Variants in NAA60 observed in about 807,000 individuals in gnomAD.
NAA60 encodes N-alpha-acetyltransferase 60.
A neutral mutation model predicts 26.1 loss-of-function variants in NAA60; 8 were observed. The observed-to-expected ratio is 0.31, with a 90% confidence interval of 0.18 to 0.55. NAA60 has a LOEUF of 0.55. Ranked by LOEUF, NAA60 falls within the 20% of genes least tolerant of loss-of-function variation. The probability of loss-of-function intolerance (pLI) is 0.93; values close to 1 mark genes in which losing one functional copy is unlikely to be tolerated. For synonymous variants in NAA60, 131 were observed against 122.5 expected (o/e 1.07, Z -0.46); for missense variants, 290 against 311.3 (o/e 0.93, Z 0.51).
At chr16:3,480,936 G>T (rs1271811489) in intron 4 of NAA60, among the ~76,000 whole-genome samples, 1 of 152,012 alleles carries the variant, frequency 6.6e-6, no homozygotes, top group African/African-American at 2.4e-5. Flanking sequence ...GTGCAAGAAG[G>T]CCTGTCTCTC....
At chr16:3,471,695 C>T (rs1014292396) in intron 2 of NAA60, among the ~76,000 whole-genome samples, 1 of 152,064 alleles carries the variant, frequency 6.6e-6, no homozygotes, top group Non-Finnish European at 1.5e-5. Flanking sequence ...CTCATCCTGC[C>T]CTCTCCGGTG....
chr16:3,452,887 C>T (rs2150950194), intron 2 of NAA60, among the ~76,000 whole-genome samples: 1 of 151,944 alleles, frequency 6.6e-6, no homozygotes, highest in East Asian at 1.9e-4. Flanking sequence ...ACCAGGAGGT[C>T]GACACTGCAG....
At chr16:3,473,011 C>CTGTTT (rs34780561) in intron 2 of NAA60, among the ~76,000 whole-genome samples, 22 of 151,120 alleles carry the variant, frequency 1.5e-4, no homozygotes, top group Admixed American at 6.6e-4. Flanking sequence ...TCTTTGTCAT[C>CTGTTT]TGTTTTGTTT....
At chr16:3,478,584 T>C (rs575954234) in intron 3 of NAA60, among the ~76,000 whole-genome samples, 3 of 152,354 alleles carry the variant, frequency 2.0e-5, no homozygotes, top group African/African-American at 7.2e-5. Flanking sequence ...GACCATGTCC[T>C]GGGCCTTTAT....
chr16:3,455,143 C>T (rs2034926640), intron 2 of NAA60, among the ~76,000 whole-genome samples: 1 of 152,204 alleles, frequency 6.6e-6, no homozygotes, highest in South Asian at 2.1e-4. Context: ...CCTCGGCCTC[C>T]CGGGTTCAAG....
chr16:3,476,121 G>A (rs556967036), intron 2 of NAA60, 101 bp from the exon 3 acceptor site: 13 of 845,096 alleles, frequency 1.5e-5, no homozygotes, highest in African/African-American at 6.7e-5. Flanking sequence ...GTGTCCACCC[G>A]TGGGACATGC....
intron 2 of NAA60, among the ~76,000 whole-genome samples, chr16:3,465,312 C>A (rs1020292333): frequency 1.3e-5 from 2 of 151,804 alleles, no homozygotes; most frequent in Admixed American, 6.6e-5. Flanking sequence ...TCATCCGAAG[C>A]AAGAGAGGCA....
At chr16:3,478,301 T>C (rs1263395796) in intron 3 of NAA60, among the ~76,000 whole-genome samples, 1 of 152,084 alleles carries the variant, frequency 6.6e-6, no homozygotes, top group Admixed American at 6.6e-5. Flanking sequence ...TCTAGAGAAA[T>C]AAAAGCTGCA....
Position 3,445,768 on chromosome 16 carries a change from T to A in NAA60, c.-77+1931T>A, listed in dbSNP as rs866731174. Among the ~76,000 whole-genome samples the A allele has an allele frequency of 1.8e-4, 28 of 152,236 alleles. No homozygotes were observed. The Middle Eastern group carries it at 0.01, about 55-fold the overall frequency. ...AGCATGTGGTATTAACTCAGTGGATTACCAGAGAGAGAGGGATATACCTGA... is the reference window on the plus strand; with the variant it reads ...AGCATGTGGTATTAACTCAGTGGATAACCAGAGAGAGAGGGATATACCTGA... On this transcript the variant is annotated intron_variant, in intron 1 of 7. Coordinates refer to ENST00000407558, the MANE Select transcript of NAA60 (RefSeq NM_001083601.3).
Position 3,443,689 on chromosome 16 carries a change from C to T in NAA60, c.-225C>T, listed in dbSNP as rs2270499. The T allele has an allele frequency of 0.015, 20,863 of 1,397,962 alleles. 871 individuals are homozygous for T. The highest frequency in any genetic ancestry group is 0.12 in the African/African-American group (8,306 of 68,000). The allele number at this position is 1,397,962 out of a possible 1,614,324, so 86.6% of individuals were successfully genotyped here. A position where few individuals can be genotyped will look rare whatever the true frequency, so the allele number is the denominator to read the frequency against. On this transcript the variant is annotated 5_prime_UTR_variant, in exon 1 of 8. Transcript: ENST00000407558. ...CTCTAAGCAACCATTTCCGCTTCCG[C>T]TGGCGGGGTCTCCTCCGTGAGCTCC... is the stretch of plus-strand genomic sequence containing the variant.
In NAA60 at chr16:3,450,072, CTTTGGAAGCAAAATA is replaced by C. The variant is rs542650070; in HGVS notation, c.-7+1553_-7+1567del. ...AGAAGAAGGAACTAAAGAAGAATTT[CTTTGGAAGCAAAATA>C]TTTGGAAGCAAAATATTTGGCTCCT... On this transcript the variant is annotated intron_variant, in intron 2 of 7. Coordinates refer to ENST00000407558, the MANE Select transcript of NAA60 (RefSeq NM_001083601.3). 4.5e-3 allele frequency: 1,779 copies of C among 397,520 alleles called. 31 individuals carry two copies. Among genetic ancestry groups the C allele is most frequent in the African/African-American group, 0.032 (1,534 of 48,676 alleles). The allele number at this position is 397,520 out of a possible 1,614,324, so 24.6% of individuals were successfully genotyped here.
intron 2 of NAA60, among the ~76,000 whole-genome samples, chr16:3,474,030 G>A (rs951842837): frequency 2.0e-5 from 3 of 152,062 alleles, no homozygotes; most frequent in African/African-American, 4.8e-5. Context: ...CACCATTCCC[G>A]GCCTATTTTT....
intron 2 of NAA60, chr16:3,468,326 G>A (rs1191216220): frequency 2.0e-5 from 3 of 152,190 alleles, no homozygotes; most frequent in African/African-American, 7.2e-5. Flanking sequence ...GTTACTTGGG[G>A]ATGGAAAGTT....
intron 2 of NAA60, chr16:3,450,206 C>T (rs910260040): frequency 1.4e-5 from 5 of 347,578 alleles, no homozygotes; most frequent in African/African-American, 8.4e-5. Flanking sequence ...TCTCATGGAG[C>T]TTTTCTGCTC....
In NAA60 at chr16:3,484,813, C is replaced by T. The variant is rs751554996; in HGVS notation, c.687C>T (p.Gly229=). The change falls in exon 7 of 8, where the codon GGC becomes GGT. Residue 229 remains glycine (G), a synonymous_variant. Coordinates refer to ENST00000407558, the MANE Select transcript of NAA60 (RefSeq NM_001083601.3). The part of the protein sequence containing the change: ...SLLCSFLPWS[G]ISSKSGIEYS... ...TCTGCAGCTTCCTGCCATGGTCGGG[C>T]ATCTCTTCCAAGAGTGGCATCGAGT... is the stretch of plus-strand genomic sequence containing the variant. The T allele has an allele frequency of 1.9e-6, 3 of 1,573,352 alleles. No homozygotes were observed. The South Asian group carries it at 3.5e-5, about 18-fold the overall frequency.
rs536996967 is a variant in NAA60, at chr16:3,482,161, C to T, written c.241-341C>T. On this transcript the variant is annotated intron_variant, in intron 4 of 7. Coordinates refer to ENST00000407558, the MANE Select transcript of NAA60 (RefSeq NM_001083601.3). Reference sequence around the variant, plus strand: ...GTGACATGCGTGCATTCCCATGAGGCCCGCGTGGTGCTGTGTAGTTGCTGC... The same window carrying T: ...GTGACATGCGTGCATTCCCATGAGGTCCGCGTGGTGCTGTGTAGTTGCTGC... Among the ~76,000 whole-genome samples the T allele has an allele frequency of 3.9e-5, 6 of 152,332 alleles. 1 individual carries two copies. The South Asian group carries it at 1.0e-3, about 26-fold the overall frequency.
chr16:3,480,592 C>G (rs2036764236), intron 4 of NAA60, among the ~76,000 whole-genome samples: 1 of 144,090 alleles, frequency 6.9e-6, no homozygotes, highest in Non-Finnish European at 1.5e-5. Context: ...AGCAAGACTT[C>G]GTCTAAAAAA....
chr16:3,444,153 G>A (rs1444565116), intron 1 of NAA60, among the ~76,000 whole-genome samples: 1 of 152,170 alleles, frequency 6.6e-6, no homozygotes, highest in Admixed American at 6.5e-5. Context: ...ATAGGTTAGC[G>A]TCGCAGGACG....
At chr16:3,479,040 A>T (rs1400112980) in intron 3 of NAA60, among the ~76,000 whole-genome samples, 2 of 152,154 alleles carry the variant, frequency 1.3e-5, no homozygotes, top group African/African-American at 4.8e-5. Flanking sequence ...GTTTGAGACC[A>T]GCCTGACCAA....
Sources: allele counts gnomAD v4.1 joint callset (sites outside exome capture counted in the v4.1 genomes callset), GRCh38; gene constraint gnomAD v4.1.1; transcripts MANE v1.5; gene names NCBI Gene and HGNC (gene_info 2026-07-23, HGNC 2026-07-21).